Variants in MYT1L observed in about 807,000 individuals in gnomAD.
MYT1L encodes the protein myelin transcription factor 1-like protein.
MYT1L carries 12 observed loss-of-function variants against 126.7 expected under a neutral mutation model. That is an observed-to-expected ratio of 0.09 (90% CI 0.06 to 0.15). MYT1L has a LOEUF of 0.15. Among genes scored for constraint, MYT1L ranks in the 10% least tolerant of loss-of-function variants. MYT1L has a pLI of 1.00. For synonymous variants in MYT1L, 541 were observed against 604.2 expected (o/e 0.90, Z 1.53); for missense variants, 979 against 1,585.2 (o/e 0.62, Z 6.49).
At chr2:1,964,721 A>T (rs555798153) in intron 8 of MYT1L, among the ~76,000 whole-genome samples, 1 of 152,350 alleles carries the variant, frequency 6.6e-6, no homozygotes, top group Admixed American at 6.5e-5. Context: ...TATAAATTTC[A>T]GGGCTTTGGG....
intron 2 of MYT1L, among the ~76,000 whole-genome samples, chr2:2,265,775 T>C (rs1250321744): frequency 6.6e-6 from 1 of 152,166 alleles, no homozygotes; most frequent in Non-Finnish European, 1.5e-5. Flanking sequence ...AAGTTCACGG[T>C]ACATAGCAAG....
At chr2:2,010,594 A>T (rs2063730633) in intron 4 of MYT1L, among the ~76,000 whole-genome samples, 1 of 151,826 alleles carries the variant, frequency 6.6e-6, no homozygotes. Context: ...GGCTGCTACT[A>T]CCCAGTGATC....
At position 1,991,616 on chromosome 2, in the gene MYT1L, T is replaced by A. The variant is rs141081653; in HGVS notation, c.-1+5575A>T. On this transcript the variant is annotated intron_variant, in intron 5 of 24. Transcript: ENST00000647738. ...TTAAAGCTGACCTCTGAGGACCCACTCTCTCCCATCCTTCTTTCCAGTGTG... is the reference window on the plus strand; with the variant it reads ...TTAAAGCTGACCTCTGAGGACCCACACTCTCCCATCCTTCTTTCCAGTGTG... 1.8e-3 allele frequency among the ~76,000 whole-genome samples: 272 copies of A among 152,210 alleles called. 1 individual carries two copies. The highest frequency in any genetic ancestry group is 5.8e-3 in the African/African-American group (242 of 41,532).
At chr2:2,256,124 A>T (rs1250581648) in intron 2 of MYT1L, among the ~76,000 whole-genome samples, 1 of 151,984 alleles carries the variant, frequency 6.6e-6, no homozygotes, top group Admixed American at 6.6e-5. Context: ...CCAAAACAAG[A>T]CCCCCGGTGA....
chr2:1,838,165 C>T (rs573752802), intron 21 of MYT1L, among the ~76,000 whole-genome samples: 295 of 152,232 alleles, frequency 1.9e-3, no homozygotes, highest in Middle Eastern at 6.8e-3. Context: ...CTGCCCACCT[C>T]GGCCTCTCAA....
chr2:1,936,281 T>A (rs75935458), intron 9 of MYT1L, among the ~76,000 whole-genome samples: 7,451 of 152,346 alleles, frequency 0.049, 294 homozygotes, highest in East Asian at 0.19. Flanking sequence ...TTGCTTTGTA[T>A]CAAAGTACCT....
chr2:2,003,956 T>G (rs145762777), intron 4 of MYT1L, among the ~76,000 whole-genome samples: 3,651 of 148,754 alleles, frequency 0.025, 68 homozygotes, highest in Non-Finnish European at 0.037. Context: ...CTTTCCTGCA[T>G]GCGTTCTTTC....
intron 21 of MYT1L, among the ~76,000 whole-genome samples, chr2:1,830,801 C>T (rs1350791989): frequency 7.4e-6 from 1 of 134,362 alleles, no homozygotes; most frequent in African/African-American, 3.3e-5. Context: ...TGGAGTGTGC[C>T]TTCTCGCTCT....
intron 2 of MYT1L, among the ~76,000 whole-genome samples, chr2:2,246,395 T>C (rs2094536496): frequency 6.6e-6 from 1 of 152,080 alleles, no homozygotes; most frequent in Non-Finnish European, 1.5e-5. Context: ...GGGGCTAGGA[T>C]GGGGAGACAG....
chr2:1,975,917 C>T (rs2060141090), intron 8 of MYT1L, among the ~76,000 whole-genome samples: 1 of 152,014 alleles, frequency 6.6e-6, no homozygotes, highest in African/African-American at 2.4e-5. Flanking sequence ...GTATTCCTTT[C>T]CTAAAAAAGA....
Position 2,261,500 on chromosome 2 carries a change from G to A in MYT1L, c.-421+22904C>T, listed in dbSNP as rs145457436. Reference sequence around the variant, plus strand: ...CAGCATTAGTCCTCCCCCCTGTTAGGTAGGAAACAGAATTATCTTCCATTG... The same window carrying A: ...CAGCATTAGTCCTCCCCCCTGTTAGATAGGAAACAGAATTATCTTCCATTG... On this transcript the variant is annotated intron_variant, in intron 2 of 24. Coordinates refer to ENST00000647738, the MANE Select transcript of MYT1L (RefSeq NM_001303052.2). Among the ~76,000 whole-genome samples, 451 of 152,232 alleles carry A rather than the reference G, an allele frequency of 3.0e-3. 1 individual carries two copies. The highest frequency in any genetic ancestry group is 9.9e-3 in the African/African-American group (412 of 41,550).
At position 2,067,847 on chromosome 2, in the gene MYT1L, A is replaced by G. The variant is rs142340297; in HGVS notation, c.-303-13724T>C. On this transcript the variant is annotated intron_variant, in intron 3 of 24. Transcript: ENST00000647738. ...AATAAATAAAAGCATACTCAACACA[A>G]TAAAAGATAGTGCAGAAAATGTTAA... 4.6e-5 allele frequency among the ~76,000 whole-genome samples: 7 copies of G among 152,290 alleles called. No homozygotes were observed. The East Asian group carries it at 1.4e-3, about 29-fold the overall frequency.
intron 3 of MYT1L, among the ~76,000 whole-genome samples, chr2:2,077,419 A>G (rs886605249): frequency 6.6e-6 from 1 of 152,234 alleles, no homozygotes; most frequent in African/African-American, 2.4e-5. Flanking sequence ...ACAAAAGGCA[A>G]AGGCAAAAAT....
At position 2,224,694 on chromosome 2, in the gene MYT1L, C is replaced by T. The variant is rs2093963710; in HGVS notation, c.-420-51706G>A. The stretch of plus-strand genomic sequence containing the variant: ...ATTAGCCAGGTGTGGTGGCGGGCAC[C>T]TGTAGTCCCAGCTACTTGGGAAGCT... On this transcript the variant is annotated intron_variant, in intron 2 of 24. Transcript: ENST00000647738. This position sits in a 1 kb window ranked among gnomAD's most constrained non-coding sequence, Gnocchi z 4.0. 2.0e-5 allele frequency among the ~76,000 whole-genome samples: 3 copies of T among 151,900 alleles called. No homozygotes were observed. The highest frequency in any genetic ancestry group is 2.0e-4 in the Admixed American group (3 of 15,260).
chr2:1,955,210 GA>G lies in MYT1L; in HGVS notation c.153-11877del, dbSNP rs35505446. 1.0e-2 allele frequency among the ~76,000 whole-genome samples: 1,435 copies of G among 143,944 alleles called. 16 individuals carry two copies. The highest frequency in any genetic ancestry group is 0.052 in the East Asian group (260 of 4,968). The allele number at this position is 143,944 out of a possible 152,430, so 94.4% of individuals were successfully genotyped here. A position where few individuals can be genotyped will look rare whatever the true frequency, so the allele number is the denominator to read the frequency against. On this transcript the variant is annotated intron_variant, in intron 8 of 24. Transcript: ENST00000647738. ...CAGGGAAAAGTTATAAGAAAATGCA[GA>G]AAAAAAAAAATGGCTAAAGATGCCC...
intron 3 of MYT1L, among the ~76,000 whole-genome samples, chr2:2,111,445 T>G (rs925859669): frequency 1.3e-5 from 2 of 152,132 alleles, no homozygotes; most frequent in Admixed American, 6.5e-5. Context: ...CCCGATGAAT[T>G]CGAAGAACAG....
intron 4 of MYT1L, among the ~76,000 whole-genome samples, chr2:2,018,693 G>A (rs955175194): frequency 1.3e-5 from 2 of 152,202 alleles, no homozygotes; most frequent in African/African-American, 4.8e-5. Flanking sequence ...TCCAGGGCCT[G>A]AACACTTGGA....
At chr2:2,194,381 T>C (rs2092712473) in intron 2 of MYT1L, among the ~76,000 whole-genome samples, 1 of 152,202 alleles carries the variant, frequency 6.6e-6, no homozygotes, top group Non-Finnish European at 1.5e-5. Context: ...TTATTCATAT[T>C]TTATCTCCCT....
rs535277599 is a variant in MYT1L, at chr2:2,184,137, G to A, written c.-420-11149C>T. ...GGAGGTAGATGGCTTGAATAATGTA[G>A]GTCATGCTGAGGCTGTTCACAATTT... On this transcript the variant is annotated intron_variant, in intron 2 of 24. Coordinates refer to ENST00000647738, the MANE Select transcript of MYT1L (RefSeq NM_001303052.2). 3.9e-5 allele frequency among the ~76,000 whole-genome samples: 6 copies of A among 152,218 alleles called. No homozygotes were observed. The South Asian group carries it at 1.0e-3, about 26-fold the overall frequency.
Sources: allele counts gnomAD v4.1 joint callset (sites outside exome capture counted in the v4.1 genomes callset), GRCh38; gene constraint gnomAD v4.1.1; non-coding constraint Gnocchi (gnomAD v3.1); transcripts MANE v1.5; gene names NCBI Gene and HGNC (gene_info 2026-07-23, HGNC 2026-07-21).